CLSPN: variants seen among roughly 807,000 people sequenced by gnomAD.
CLSPN encodes claspin homolog.
A neutral mutation model predicts 156.3 loss-of-function variants in CLSPN; 85 were observed. The ratio of observed to expected loss-of-function variants is 0.54; its 90% CI spans 0.46 to 0.65. CLSPN has a LOEUF of 0.65. Ranked by LOEUF, CLSPN falls within the 30% of genes least tolerant of loss-of-function variation. The pLI is 0.00. For synonymous variants in CLSPN, 534 were observed against 542.4 expected (o/e 0.98, Z 0.22); for missense variants, 1,407 against 1,554.9 (o/e 0.90, Z 1.60).
chr1:35,733,834 G>T lies in CLSPN; in HGVS notation c.*2662C>A. The T allele has an allele frequency of 1.9e-6, 1 of 524,288 alleles. No individual in the cohort carries two copies. The highest frequency in any genetic ancestry group is 2.4e-6 in the Non-Finnish European group (1 of 409,532). The allele number at this position is 524,288 out of a possible 1,614,324, so 32.5% of individuals were successfully genotyped here. On this transcript the variant is annotated 3_prime_UTR_variant, in exon 25 of 25. Coordinates refer to ENST00000318121, the MANE Select transcript of CLSPN (RefSeq NM_022111.4). Reference sequence around the variant, plus strand: ...CTCTACTAAAATAAAATAATTAGCTGGGCATGGTGGCATATGCCTGTAATG... The same window carrying T: ...CTCTACTAAAATAAAATAATTAGCTTGGCATGGTGGCATATGCCTGTAATG...
chr1:35,763,303 G>A lies in CLSPN; in HGVS notation c.601C>T (p.Pro201Ser). 2 of 1,592,840 alleles carry A rather than the reference G, an allele frequency of 1.3e-6. No homozygotes were observed. The highest frequency in any genetic ancestry group is 1.1e-5 in the South Asian group (1 of 87,050). ...TKNQEDDVEQ[P>S]FNDSGCLLVD... ...AGAAGACAGCCACTGTCATTAAATG[G>A]CTGTTCTACATCATCTTCCTAAGTA... The change falls in exon 4 of 25, where the codon CCA becomes TCA. Residue 201 changes from proline (P) to serine (S), a missense_variant. By Grantham distance (74) the Pro-to-Ser change is moderately conservative. Coordinates refer to ENST00000318121, the MANE Select transcript of CLSPN (RefSeq NM_022111.4).
rs771972227 is a variant in CLSPN at position 35,765,338 on chromosome 1, C to T, written c.25-12G>A. 6 of 1,577,906 alleles carry T rather than the reference C, an allele frequency of 3.8e-6. No individual in the cohort carries two copies. The South Asian group carries it at 6.6e-5, about 17-fold the overall frequency. ...ATTTCTAGGTGAACCTAGAAAATGA[C>T]AATATACTTTATATCAACCAGCAGG... On this transcript the variant is annotated splice_polypyrimidine_tract_variant and intron_variant, in intron 1 of 24. Transcript: ENST00000318121.
intron 10 of CLSPN, among the ~76,000 whole-genome samples, chr1:35,750,935 C>T (rs1486162799): frequency 6.6e-6 from 1 of 151,750 alleles, no homozygotes; most frequent in African/African-American, 2.4e-5. Flanking sequence ...GATAAAATTT[C>T]CTACGAATAC....
chr1:35,741,671 T>C (rs138660455), intron 18 of CLSPN, among the ~76,000 whole-genome samples: 4 of 152,090 alleles, frequency 2.6e-5, no homozygotes, highest in Non-Finnish European at 4.4e-5. Flanking sequence ...CAGAACAGCA[T>C]ATCAAAAAAA....
Position 35,764,374 on chromosome 1 carries a change from T to C in CLSPN, c.474A>G (p.Lys158=). The part of the protein sequence containing the change: ...RKSSKKHIHD[K]EGTAGKAKVK... ...CTTTTGCTTTTCCTGCAGTTCCTTC[T>C]TTATCATGTATGTGCTTTTTGGAAC... The change falls in exon 3 of 25, where the codon AAA becomes AAG. Residue 158 remains lysine, a synonymous_variant. Coordinates refer to ENST00000318121, the MANE Select transcript of CLSPN (RefSeq NM_022111.4). The C allele has an allele frequency of 1.2e-6, 2 of 1,612,396 alleles. No homozygotes were observed. Among genetic ancestry groups the C allele is most frequent in the Non-Finnish European group, 1.7e-6 (2 of 1,179,586 alleles).
At chr1:35,730,103 T>G (rs1641278153), downstream of CLSPN, among the ~76,000 whole-genome samples, 1 of 152,244 alleles carries the variant, frequency 6.6e-6, no homozygotes. Context: ...CATTGAATTA[T>G]TTTATGTGCC....
chr1:35,736,881 G>A (rs1422566598), intron 24 of CLSPN, 33 bp downstream of exon 24: 1 of 1,588,376 alleles, frequency 6.3e-7, no homozygotes. Context: ...TTCTGGTTTG[G>A]GAAGCCACCA....
chr1:35,752,582 G>GAAA (rs58271996), intron 9 of CLSPN, among the ~76,000 whole-genome samples: 9 of 67,846 alleles, frequency 1.3e-4, no homozygotes, highest in African/African-American at 3.1e-4. Flanking sequence ...TGTCTTAGAG[G>GAAA]AAAAAAAAAA....
Position 35,761,988 on chromosome 1 carries a change from G to T in CLSPN, c.895+10C>A. ...GTGATTTTGCCTCAAAGTTTACTGG[G>T]TTGCATTACCTCGAATAAGGCGCTG... is the stretch of plus-strand genomic sequence containing the variant. On this transcript the variant is annotated intron_variant, in intron 6 of 24. Coordinates refer to ENST00000318121, the MANE Select transcript of CLSPN (RefSeq NM_022111.4). The T allele has an allele frequency of 6.2e-7, 1 of 1,601,646 alleles. No individual in the cohort carries two copies. The highest frequency in any genetic ancestry group is 1.1e-5 in the South Asian group (1 of 89,982).
rs770699230 is a variant in CLSPN at position 35,760,349 on chromosome 1, G to A, written c.1572C>T (p.Thr524=). ...EDSFVILEPE[T]NRELEALKQR... is the part of the protein sequence containing the mutation. ...CACAATGTAAAGGATTACCTCTGTT[G>A]GTTTCAGGTTCAAGTATCACAAAGG... Residue 524 remains threonine, a synonymous_variant, in exon 8 of 25, where the codon ACC becomes ACT. Coordinates refer to ENST00000318121, the MANE Select transcript of CLSPN (RefSeq NM_022111.4). The A allele has an allele frequency of 6.2e-7, 1 of 1,612,116 alleles. No homozygotes were observed. Among genetic ancestry groups the A allele is most frequent in the South Asian group, 1.1e-5 (1 of 90,862 alleles).
At chr1:35,743,292 A>G (rs1557505963) in intron 17 of CLSPN, 51 bp from the exon 18 acceptor site, 4 of 1,471,538 alleles carry the variant, frequency 2.7e-6, no homozygotes, top group African/African-American at 2.8e-5. Context: ...TGCGTCCTCA[A>G]TGAAAAAAGG....
downstream of CLSPN, among the ~76,000 whole-genome samples, chr1:35,728,466 C>CT (rs990815609): frequency 6.6e-6 from 1 of 152,190 alleles, no homozygotes; most frequent in African/African-American, 2.4e-5. Context: ...AGCTCCTTCC[C>CT]TGGATAGTCA....
Position 35,739,276 on chromosome 1 carries a change from G to C in CLSPN, c.3309-19C>G, listed in dbSNP as rs778616490. On this transcript the variant is annotated intron_variant, in intron 19 of 24. Transcript: ENST00000318121. ...AGTTTTCCTGCAACAGGAGAAATAA[G>C]GTGTTCAAAACAAGGACCATTCTGG... The C allele has an allele frequency of 6.2e-6, 10 of 1,613,984 alleles. No homozygotes were observed. The Admixed American group carries it at 1.5e-4, about 24-fold the overall frequency.
Position 35,746,786 on chromosome 1 carries a change from G to A in CLSPN, c.2834C>T (p.Ser945Leu). 1.2e-6 allele frequency: 2 copies of A among 1,612,296 alleles called. No individual in the cohort carries two copies. The highest frequency in any genetic ancestry group is 1.1e-5 in the South Asian group (1 of 91,044). ...ENMEELLNLCSGKFTSQDAST... is the reference protein window; with the variant it reads ...ENMEELLNLCLGKFTSQDAST... ...TTTACCCTGAGAAGTGAATTTTCCT[G>A]AACAAAGGTTCAGAAGTTCCTCCAT... Residue 945 changes from serine to leucine, a missense_variant, in exon 15 of 25, where the codon TCA becomes TTA. Physicochemically the swap from Ser to Leu is moderately radical, Grantham distance 145 (BLOSUM62 -2). Transcript: ENST00000318121. The surrounding 1 kb of genome is among the most constrained non-coding windows in gnomAD (Gnocchi z 4.2).
At chr1:35,753,621 C>T (rs1642173031) in intron 9 of CLSPN, 124 bp downstream of exon 9, 3 of 861,588 alleles carry the variant, frequency 3.5e-6, no homozygotes, top group South Asian at 3.3e-5. Flanking sequence ...GCCAGAGATA[C>T]TGCTCTGCAA....
In CLSPN at chr1:35,733,668, A is replaced by G; in HGVS notation, c.*2828T>C. ...AAATGAAGTACATACAAACTTAGCT[A>G]AAGAGAAAGGCCAATCAAAGCTGTA... is the stretch of plus-strand genomic sequence containing the variant. On this transcript the variant is annotated 3_prime_UTR_variant, in exon 25 of 25. Transcript: ENST00000318121. The G allele has an allele frequency of 3.0e-6, 3 of 985,434 alleles. No individual in the cohort carries two copies. The highest frequency in any genetic ancestry group is 3.6e-6 in the Non-Finnish European group (3 of 829,924). The allele number at this position is 985,434 out of a possible 1,614,324, so 61.0% of individuals were successfully genotyped here.
Position 35,743,192 on chromosome 1 carries a change from T to C in CLSPN, c.3092A>G (p.Asp1031Gly). 6.2e-7 allele frequency: 1 copy of C among 1,614,178 alleles called. No homozygotes were observed. Among genetic ancestry groups the C allele is most frequent in the South Asian group, 1.1e-5 (1 of 91,078 alleles). The change falls in exon 18 of 25, where the codon GAT becomes GGT. Residue 1031 changes from aspartate (D) to glycine (G), a missense_variant. Coordinates refer to ENST00000318121, the MANE Select transcript of CLSPN (RefSeq NM_022111.4). ...GNDLALEDHEDDDEEELLKRS... is the reference protein window; with the variant it reads ...GNDLALEDHEGDDEEELLKRS... Reference sequence around the variant, plus strand: ...CTTCAGGAGTTCTTCTTCATCATCATCTTCATGGTCTTCCAGTGCCAGATC... The same window carrying C: ...CTTCAGGAGTTCTTCTTCATCATCACCTTCATGGTCTTCCAGTGCCAGATC...
chr1:35,727,852 G>A (rs1641229296), downstream of CLSPN, among the ~76,000 whole-genome samples: 1 of 152,132 alleles, frequency 6.6e-6, no homozygotes, highest in South Asian at 2.1e-4. Flanking sequence ...TGAAAAAAAT[G>A]CCACTCACAA....
chr1:35,728,324 C>T (rs1019758964), downstream of CLSPN, among the ~76,000 whole-genome samples: 4 of 151,938 alleles, frequency 2.6e-5, no homozygotes, highest in Non-Finnish European at 5.9e-5. Context: ...TCAAGCAAAC[C>T]CCCCACCTCA....
Sources: gnomAD v4.1 joint callset for allele counts (sites outside exome capture counted in the v4.1 genomes callset) on GRCh38, gnomAD v4.1.1 for gene constraint, Gnocchi (gnomAD v3.1) non-coding constraint, MANE v1.5 for transcripts, NCBI Gene and HGNC (gene_info 2026-07-23, HGNC 2026-07-21) for gene names.